RIMS1: variants seen among roughly 807,000 people sequenced by gnomAD.
RIMS1 encodes regulating synaptic membrane exocytosis protein 1.
A neutral mutation model predicts 214.1 loss-of-function variants in RIMS1; 83 were observed. The observed-to-expected ratio is 0.39, with a 90% CI of 0.32 to 0.47. The LOEUF (loss-of-function observed/expected upper bound fraction) is 0.47, where lower values mean the gene tolerates loss of function less well. Among genes scored for constraint, RIMS1 ranks in the 20% least tolerant of loss-of-function variants. The probability of loss-of-function intolerance (pLI) is 0.99; values close to 1 mark genes in which losing one functional copy is unlikely to be tolerated. For synonymous variants in RIMS1, 793 were observed against 786.8 expected, an observed-to-expected ratio of 1.01 and a Z score of -0.13; for missense variants, 2,050 against 2,161.8, an observed-to-expected ratio of 0.95 and a Z score of 1.03.
chr6:72,398,572 A>T (rs1458556241), intron 32 of RIMS1, among the ~76,000 whole-genome samples: 2 of 152,180 alleles, frequency 1.3e-5, no homozygotes, highest in East Asian at 3.9e-4. Context: ...TATTTTTTTT[A>T]AAGTTTAGTT....
chr6:71,894,361 G>A (rs576512208), intron 1 of RIMS1, among the ~76,000 whole-genome samples: 39 of 152,086 alleles, frequency 2.6e-4, no homozygotes, highest in Middle Eastern at 6.8e-3. Context: ...CAGAAGAATC[G>A]CTTGAAACCA....
rs117450138 is a variant in RIMS1, at chr6:72,094,185, G to T, written c.246-2764G>T. On this transcript the variant is annotated intron_variant, in intron 2 of 33. Coordinates refer to ENST00000521978, the MANE Select transcript of RIMS1 (RefSeq NM_014989.7). The stretch of plus-strand genomic sequence containing the variant: ...TAAATTTTCCATTCAGCAAATATGG[G>T]TGTGTATTGGCTGCTACAAAGGAAG... Among the ~76,000 whole-genome samples, 353 of 152,238 alleles carry T rather than the reference G, an allele frequency of 2.3e-3. 2 individuals carry two copies. Among genetic ancestry groups the T allele is most frequent in the Admixed American group, 5.1e-3 (78 of 15,292 alleles).
At chr6:72,000,080 A>G (rs933350302) in intron 2 of RIMS1, among the ~76,000 whole-genome samples, 3 of 152,066 alleles carry the variant, frequency 2.0e-5, no homozygotes, top group Non-Finnish European at 2.9e-5. Context: ...TCAGTTTCTG[A>G]GAATGGATCA....
intron 1 of RIMS1, among the ~76,000 whole-genome samples, chr6:71,917,618 C>G (rs887636947): frequency 6.6e-6 from 1 of 152,016 alleles, no homozygotes; most frequent in Non-Finnish European, 1.5e-5. Context: ...TTCTAAATAA[C>G]GAAAAGCCAG....
intron 28 of RIMS1, among the ~76,000 whole-genome samples, chr6:72,328,717 T>C (rs1200363129): frequency 6.6e-6 from 1 of 151,818 alleles, no homozygotes; most frequent in Non-Finnish European, 1.5e-5. Flanking sequence ...ATTAACGTAG[T>C]AATCTAAGCC....
At chr6:72,306,488 T>C (rs555079529) in intron 26 of RIMS1, among the ~76,000 whole-genome samples, 1 of 152,336 alleles carries the variant, frequency 6.6e-6, no homozygotes, top group Admixed American at 6.5e-5. Context: ...TTGCTGATGG[T>C]GGATTCTAAC....
chr6:72,282,069 A>G (rs2090381502), intron 23 of RIMS1, among the ~76,000 whole-genome samples: 1 of 151,972 alleles, frequency 6.6e-6, no homozygotes, highest in Non-Finnish European at 1.5e-5. Context: ...TTTTAATGAC[A>G]GTAAGTTTTG....
chr6:72,390,105 G>A (rs750115476), intron 29 of RIMS1, among the ~76,000 whole-genome samples: 10 of 152,236 alleles, frequency 6.6e-5, no homozygotes, highest in Non-Finnish European at 1.3e-4. Context: ...TAAAATACTA[G>A]TTTCTCTTCA....
intron 1 of RIMS1, among the ~76,000 whole-genome samples, chr6:71,940,563 G>A (rs1308494855): frequency 6.6e-6 from 1 of 152,178 alleles, no homozygotes; most frequent in Non-Finnish European, 1.5e-5. Flanking sequence ...AATGGGCAAG[G>A]AAGACTTTAT....
intron 4 of RIMS1, among the ~76,000 whole-genome samples, chr6:72,164,955 A>G (rs575606534): frequency 6.6e-6 from 1 of 152,304 alleles, no homozygotes; most frequent in African/African-American, 2.4e-5. Flanking sequence ...TATATTTCAG[A>G]TAAGGGCTTC....
At chr6:72,398,463 A>T (rs2098803726) in intron 32 of RIMS1, 113 bp downstream of exon 32, 2 of 625,526 alleles carry the variant, frequency 3.2e-6, no homozygotes, top group Non-Finnish European at 2.7e-6. Context: ...CTGATTGATT[A>T]AAAAAGCAGT....
chr6:72,134,384 C>T (rs2040933152), intron 4 of RIMS1, among the ~76,000 whole-genome samples: 1 of 151,784 alleles, frequency 6.6e-6, no homozygotes, highest in South Asian at 2.1e-4. Flanking sequence ...TATCTTTATT[C>T]TTACAACATT....
chr6:71,919,773 G>A (rs1779468522), intron 1 of RIMS1, among the ~76,000 whole-genome samples: 1 of 152,104 alleles, frequency 6.6e-6, no homozygotes, highest in Admixed American at 6.6e-5. Flanking sequence ...GAATCCAAGA[G>A]AAAAATGAGA....
At chr6:72,354,783 T>C (rs1164586580) in intron 29 of RIMS1, among the ~76,000 whole-genome samples, 2 of 152,240 alleles carry the variant, frequency 1.3e-5, no homozygotes, top group African/African-American at 2.4e-5. Flanking sequence ...CAAACCTCTT[T>C]AGTGCTTTAG....
At chr6:72,392,464 T>C (rs2098716426) in intron 30 of RIMS1, among the ~76,000 whole-genome samples, 2 of 152,202 alleles carry the variant, frequency 1.3e-5, no homozygotes, top group Admixed American at 6.5e-5. Flanking sequence ...AAACTATAAC[T>C]GAGCCCTCTT....
chr6:72,122,207 C>CTTT (rs34948011), intron 4 of RIMS1, among the ~76,000 whole-genome samples: 18 of 136,310 alleles, frequency 1.3e-4, no homozygotes, highest in South Asian at 6.9e-4. Context: ...TTCCTTTTTT[C>CTTT]TTTTTTTTTT....
At chr6:72,305,776 T>C (rs2095096750) in intron 26 of RIMS1, among the ~76,000 whole-genome samples, 2 of 152,280 alleles carry the variant, frequency 1.3e-5, no homozygotes, top group African/African-American at 4.8e-5. Flanking sequence ...CACCATTTAT[T>C]ATCTCTGAAG....
At chr6:72,239,865 G>GTGGGA (rs2065967864) in intron 9 of RIMS1, among the ~76,000 whole-genome samples, 1 of 152,128 alleles carries the variant, frequency 6.6e-6, no homozygotes, top group Non-Finnish European at 1.5e-5. Flanking sequence ...CCACCTAGAA[G>GTGGGA]ATGTGGTCAA....
rs1324753340 is a variant in RIMS1 at position 71,890,563 on chromosome 6, C to T, written c.164+3376C>T. 9.6e-5 allele frequency among the ~76,000 whole-genome samples: 7 copies of T among 73,098 alleles called. No individual in the cohort carries two copies. The East Asian group carries it at 2.3e-3, about 24-fold the overall frequency. 48.0% of individuals were successfully genotyped at this position (73,098 alleles called of 152,430 possible). A position where few individuals can be genotyped will look rare whatever the true frequency, so the allele number is the denominator to read the frequency against. On this transcript the variant is annotated intron_variant, in intron 1 of 33. Coordinates refer to ENST00000521978, the MANE Select transcript of RIMS1 (RefSeq NM_014989.7). ...TCTCATTAGATCTAGGATCTTACTC[C>T]TTTTTGTAAAAAAAAAAAAAAAAAA...
Sources: gnomAD v4.1 joint callset for allele counts (sites outside exome capture counted in the v4.1 genomes callset) on GRCh38, gnomAD v4.1.1 for gene constraint, MANE v1.5 for transcripts, NCBI Gene and HGNC (gene_info 2026-07-23, HGNC 2026-07-21) for gene names.